DPP10: variants seen among roughly 807,000 people sequenced by gnomAD.
DPP10 encodes dipeptidyl peptidase like 10.
Under a neutral mutation model 120.9 loss-of-function variants are expected in DPP10, and 33 were observed. That is an observed-to-expected ratio of 0.27 (90% CI 0.21 to 0.37). The LOEUF is 0.37. Ranked by LOEUF, DPP10 falls within the 10% of genes least tolerant of loss-of-function variation. The pLI, the probability that DPP10 is intolerant of heterozygous loss-of-function variation, is 1.00. For synonymous variants in DPP10, 337 were observed against 326.1 expected (o/e 1.03, Z -0.36); for missense variants, 816 against 942.8 (o/e 0.87, Z 1.76).
At chr2:115,589,903 C>A (rs550559575) in intron 5 of DPP10, among the ~76,000 whole-genome samples, 4 of 152,220 alleles carry the variant, frequency 2.6e-5, no homozygotes, top group African/African-American at 7.2e-5. Context: ...GGTATCTATA[C>A]TTTCAGATAC....
At chr2:115,659,119 T>G (rs533169809) in intron 5 of DPP10, among the ~76,000 whole-genome samples, 2 of 152,224 alleles carry the variant, frequency 1.3e-5, no homozygotes, top group Non-Finnish European at 2.9e-5. Flanking sequence ...CCTCCTTCCC[T>G]CTCTCACTCT....
chr2:115,418,982 T>G (rs765044152), intron 3 of DPP10, among the ~76,000 whole-genome samples: 1 of 152,162 alleles, frequency 6.6e-6, no homozygotes, highest in Non-Finnish European at 1.5e-5. Flanking sequence ...CTTCTAATGA[T>G]TGTATGAAGT....
intron 5 of DPP10, among the ~76,000 whole-genome samples, chr2:115,619,880 T>A (rs1052211683): frequency 2.0e-5 from 3 of 152,196 alleles, no homozygotes; most frequent in Non-Finnish European, 4.4e-5. Flanking sequence ...AACGAGTGAT[T>A]TAAAAAATTT....
chr2:114,482,187 G>A lies in DPP10; in HGVS notation c.60+39349G>A, dbSNP rs191365444. Among the ~76,000 whole-genome samples, 211 of 152,226 alleles carry A rather than the reference G, an allele frequency of 1.4e-3. 2 individuals carry two copies. Among genetic ancestry groups the A allele is most frequent in the Non-Finnish European group, 2.4e-3 (164 of 68,006 alleles). On this transcript the variant is annotated intron_variant, in intron 1 of 25. Coordinates refer to ENST00000410059, the MANE Select transcript of DPP10 (RefSeq NM_020868.6). Reference sequence around the variant, plus strand: ...AACCAAACCATATTAGTTACAGACTGTATAATTCCATTAATATAACATTTA... The same window carrying A: ...AACCAAACCATATTAGTTACAGACTATATAATTCCATTAATATAACATTTA...
intron 5 of DPP10, among the ~76,000 whole-genome samples, chr2:115,599,059 T>A (rs982984028): frequency 6.6e-6 from 1 of 152,004 alleles, no homozygotes; most frequent in African/African-American, 2.4e-5. Context: ...ATTCCAATTA[T>A]TACACCTCTA....
At position 115,836,186 on chromosome 2, in the gene DPP10, C is replaced by G. The variant is rs1422682522; in HGVS notation, c.1980C>G (p.Ile660Met). 1 of 1,604,194 alleles carries G rather than the reference C, an allele frequency of 6.2e-7. No individual in the cohort carries two copies. The highest frequency in any genetic ancestry group is 1.3e-5 in the African/African-American group (1 of 74,274). The change falls in exon 22 of 26, where the codon ATC becomes ATG. Residue 660 changes from isoleucine (I) to methionine (M), a missense_variant. By Grantham distance (10) the Ile-to-Met change is conservative. Transcript: ENST00000410059. ...KGYGGYIASMILKSDEKLFKC... is the reference protein window; with the variant it reads ...KGYGGYIASMMLKSDEKLFKC... ...ATGGTGGCTATATTGCATCAATGAT[C>G]TTAAAATCAGATGAAAAGCTTTTTA... is the stretch of plus-strand genomic sequence containing the variant.
intron 4 of DPP10, among the ~76,000 whole-genome samples, chr2:115,500,175 A>G (rs1032727709): frequency 2.0e-5 from 3 of 151,984 alleles, no homozygotes; most frequent in African/African-American, 7.2e-5. Context: ...GTCTTTCTGA[A>G]AAATCTAGTA....
At chr2:115,209,495 CTG>C (rs1240151157) in intron 1 of DPP10, among the ~76,000 whole-genome samples, 7 of 152,160 alleles carry the variant, frequency 4.6e-5, no homozygotes, top group African/African-American at 1.2e-4. Context: ...GCATGTGAAA[CTG>C]TAATAATCTC....
rs1165375685 is a variant in DPP10 at position 115,485,863 on chromosome 2, T to C, written c.272-13647T>C. On this transcript the variant is annotated intron_variant, in intron 3 of 25. Transcript: ENST00000410059. ...ACTTTTTCTTTGTATATTTCAGTTA[T>C]GATATTGCAATTTATTTTTCTTTCT... is the stretch of plus-strand genomic sequence containing the variant. Among the ~76,000 whole-genome samples the C allele has an allele frequency of 2.0e-5, 3 of 152,252 alleles. No homozygotes were observed. In the South Asian group the frequency reaches 6.2e-4, roughly 32 times the overall value.
intron 1 of DPP10, among the ~76,000 whole-genome samples, chr2:114,594,382 A>G (rs1158884427): frequency 6.7e-6 from 1 of 149,816 alleles, no homozygotes; most frequent in Non-Finnish European, 1.5e-5. Flanking sequence ...ATATATATAT[A>G]TGTGTATATA....
At chr2:115,352,889 C>T (rs112276071) in intron 3 of DPP10, among the ~76,000 whole-genome samples, 8,632 of 152,124 alleles carry the variant, frequency 0.057, 346 homozygotes, top group Middle Eastern at 0.099. Context: ...GCAGGGTACA[C>T]ATGGCACATT....
At chr2:115,558,121 C>T (rs2080333287) in intron 5 of DPP10, among the ~76,000 whole-genome samples, 1 of 152,112 alleles carries the variant, frequency 6.6e-6, no homozygotes, top group Non-Finnish European at 1.5e-5. Context: ...GGTACTTGTC[C>T]TATTTCACCC....
At chr2:115,760,711 T>C (rs972052813) in intron 11 of DPP10, among the ~76,000 whole-genome samples, 9 of 152,208 alleles carry the variant, frequency 5.9e-5, no homozygotes, top group African/African-American at 9.6e-5. Context: ...TCTCTTTCTT[T>C]TGGCTAGATT....
At chr2:115,167,737 AATATT>A (rs1224967517) in intron 1 of DPP10, among the ~76,000 whole-genome samples, 3 of 152,264 alleles carry the variant, frequency 2.0e-5, no homozygotes, top group African/African-American at 7.2e-5. Flanking sequence ...GGTGCATGCA[AATATT>A]ATATTAATGG....
intron 1 of DPP10, among the ~76,000 whole-genome samples, chr2:114,692,045 C>T (rs529027692): frequency 5.3e-5 from 8 of 151,984 alleles, no homozygotes; most frequent in African/African-American, 7.2e-5. Context: ...CTCCTGGATT[C>T]GTTTATTTTT....
chr2:114,857,718 G>A (rs1252321798), intron 1 of DPP10, among the ~76,000 whole-genome samples: 2 of 152,166 alleles, frequency 1.3e-5, no homozygotes, highest in Admixed American at 6.5e-5. Flanking sequence ...CACTAATGTA[G>A]TACGAAGACT....
intron 1 of DPP10, among the ~76,000 whole-genome samples, chr2:115,210,565 C>T (rs1219668432): frequency 6.6e-6 from 1 of 152,004 alleles, no homozygotes; most frequent in African/African-American, 2.4e-5. Context: ...AATGGTATTT[C>T]TAGTTCTAGA....
intron 1 of DPP10, among the ~76,000 whole-genome samples, chr2:114,753,201 C>A (rs947603165): frequency 6.6e-6 from 1 of 152,154 alleles, no homozygotes; most frequent in Admixed American, 6.5e-5. Context: ...ATGAGCTAGG[C>A]TAATGGATGT....
intron 1 of DPP10, among the ~76,000 whole-genome samples, chr2:114,592,932 G>A (rs12474471): frequency 0.15 from 22,584 of 151,926 alleles, 2,058 homozygotes; most frequent in African/African-American, 0.26. Context: ...TCTGTAAACC[G>A]CTATGTGTTG....
Sources: allele counts gnomAD v4.1 joint callset (sites outside exome capture counted in the v4.1 genomes callset), GRCh38; gene constraint gnomAD v4.1.1; transcripts MANE v1.5; gene names NCBI Gene and HGNC (gene_info 2026-07-23, HGNC 2026-07-21).